The following TJP1 variants were observed in gnomAD, a reference collection of about 807,000 sequenced individuals.
The protein encoded by TJP1 is tight junction protein ZO-1.
A neutral mutation model predicts 194.2 loss-of-function variants in TJP1; 43 were observed. The observed-to-expected ratio is 0.22, with a 90% CI of 0.17 to 0.29. The LOEUF (loss-of-function observed/expected upper bound fraction) is 0.29. Ranked by LOEUF, TJP1 falls within the 10% of genes least tolerant of loss-of-function variation. The pLI, the probability that TJP1 is intolerant of heterozygous loss-of-function variation, is 1.00. For missense variants in TJP1, 1,971 were observed against 2,185.7 expected (o/e 0.90, Z 1.96); for synonymous variants, 801 against 779.0 (o/e 1.03, Z -0.47).
At chr15:29,924,299 G>A (rs1233965528) in intron 2 of TJP1, among the ~76,000 whole-genome samples, 3 of 152,064 alleles carry the variant, frequency 2.0e-5, no homozygotes, top group Non-Finnish European at 4.4e-5. Context: ...ACTCTGAGAT[G>A]GGCTCAAGTG....
chr15:29,877,580 TTTCCTTCCTTCCTTTCTCC>T (rs1418598889), intron 2 of TJP1, among the ~76,000 whole-genome samples: 1 of 152,006 alleles, frequency 6.6e-6, no homozygotes, highest in African/African-American at 2.4e-5. Flanking sequence ...TCTTTCTTTC[TTTCCTTCCTTCCTTTCTCC>T]TTCCTTCCTT....
chr15:29,957,732 T>C (rs975489697), intron 1 of TJP1, among the ~76,000 whole-genome samples: 3 of 152,206 alleles, frequency 2.0e-5, no homozygotes, highest in African/African-American at 7.2e-5. Context: ...CTTGGCAACA[T>C]CTTTGGGTAC....
chr15:29,922,002 G>A (rs944297680), intron 2 of TJP1, among the ~76,000 whole-genome samples: 1 of 151,842 alleles, frequency 6.6e-6, no homozygotes, highest in Non-Finnish European at 1.5e-5. Context: ...GCACCACCCC[G>A]CCCAGCTAAT....
intron 2 of TJP1, among the ~76,000 whole-genome samples, chr15:29,949,463 A>ACCTCCACCTCCACCT (rs1479887168): frequency 9.9e-6 from 1 of 101,044 alleles, no homozygotes; most frequent in African/African-American, 4.3e-5. Flanking sequence ...CACCACTTCC[A>ACCTCCACCTCCACCT]CCACCACCAC....
intron 2 of TJP1, among the ~76,000 whole-genome samples, chr15:29,794,749 G>C (rs1372846065): frequency 6.6e-6 from 1 of 152,168 alleles, no homozygotes; most frequent in East Asian, 1.9e-4. Flanking sequence ...GTAAGGAAAA[G>C]ATGTAATGTG....
chr15:29,726,141 T>C (rs2043223544), intron 18 of TJP1, among the ~76,000 whole-genome samples: 1 of 152,180 alleles, frequency 6.6e-6, no homozygotes, highest in Non-Finnish European at 1.5e-5. Flanking sequence ...TTTAAGATTC[T>C]TTAGGAGACA....
chr15:29,764,807 C>T lies in TJP1; in HGVS notation c.589+1459G>A, dbSNP rs1399881012. On this transcript the variant is annotated intron_variant, in intron 5 of 27. Transcript: ENST00000614355. The stretch of plus-strand genomic sequence containing the variant: ...GTGTTTCAGGGACCTACAGGAACAT[C>T]TAAGTGAATATGCCTAACAGTTGGA... Among the ~76,000 whole-genome samples the T allele has an allele frequency of 2.0e-5, 3 of 152,090 alleles. 1 individual carries two copies. Among genetic ancestry groups the T allele is most frequent in the Middle Eastern group, 3.2e-3 (1 of 316 alleles).
intron 1 of TJP1, among the ~76,000 whole-genome samples, chr15:29,803,210 G>A (rs2048900367): frequency 6.6e-6 from 1 of 152,110 alleles, no homozygotes; most frequent in Non-Finnish European, 1.5e-5. Flanking sequence ...AACTGGCAAT[G>A]TATTTTAAAC....
chr15:29,919,290 C>T (rs2054282663), intron 2 of TJP1, among the ~76,000 whole-genome samples: 1 of 152,096 alleles, frequency 6.6e-6, no homozygotes, highest in Non-Finnish European at 1.5e-5. Flanking sequence ...GGCAGCAGGC[C>T]CAGAGGGCAT....
chr15:29,752,670 GTTCACAAAAGT>G (rs1166682848), intron 8 of TJP1, among the ~76,000 whole-genome samples: 1 of 151,988 alleles, frequency 6.6e-6, no homozygotes, highest in Non-Finnish European at 1.5e-5. Flanking sequence ...ATAACAGTTC[GTTCACAAAAGT>G]TCAGGATGTC....
chr15:29,849,843 G>A (rs929459132), intron 2 of TJP1, among the ~76,000 whole-genome samples: 3 of 151,988 alleles, frequency 2.0e-5, no homozygotes, highest in Non-Finnish European at 4.4e-5. Flanking sequence ...CCAAAGTGCT[G>A]GGATTGTAGA....
At chr15:29,885,242 T>C (rs1339049233) in intron 2 of TJP1, among the ~76,000 whole-genome samples, 1 of 152,176 alleles carries the variant, frequency 6.6e-6, no homozygotes. Flanking sequence ...GGATATCCTT[T>C]GAGGGGACTG....
chr15:29,723,529 A>G (rs541915242), intron 18 of TJP1, among the ~76,000 whole-genome samples: 2 of 152,184 alleles, frequency 1.3e-5, no homozygotes, highest in South Asian at 2.1e-4. Context: ...TCTTTTCTTT[A>G]TAAGTTACCC....
chr15:29,773,015 G>A (rs1349570290), intron 3 of TJP1, among the ~76,000 whole-genome samples: 1 of 152,128 alleles, frequency 6.6e-6, no homozygotes, highest in African/African-American at 2.4e-5. Flanking sequence ...TGATCCCCCT[G>A]CCTCAGCCTC....
intron 21 of TJP1, 33 bp from the exon 22 acceptor site, chr15:29,718,151 T>C: frequency 6.7e-7 from 1 of 1,484,164 alleles, no homozygotes; most frequent in Non-Finnish European, 9.2e-7. Flanking sequence ...AAAAGACAAA[T>C]ATGCCTAAGG....
chr15:29,958,380 T>C (rs975921318), intron 1 of TJP1, among the ~76,000 whole-genome samples: 1 of 152,062 alleles, frequency 6.6e-6, no homozygotes, highest in African/African-American at 2.4e-5. Context: ...TGAGGGTTAA[T>C]GTCTTTTAAG....
chr15:29,740,772 T>G (rs1340993378), intron 10 of TJP1, among the ~76,000 whole-genome samples: 2 of 152,216 alleles, frequency 1.3e-5, no homozygotes, highest in East Asian at 3.9e-4. Flanking sequence ...AAACTTACTT[T>G]TGGGTTGCTA....
intron 5 of TJP1, among the ~76,000 whole-genome samples, chr15:29,765,633 A>G (rs948170376): frequency 6.6e-5 from 10 of 152,270 alleles, no homozygotes; most frequent in African/African-American, 2.4e-4. Flanking sequence ...CTTCCCGCCT[A>G]TAATCCCAGC....
intron 2 of TJP1, among the ~76,000 whole-genome samples, chr15:29,785,230 A>G (rs901935945): frequency 6.6e-6 from 1 of 152,204 alleles, no homozygotes; most frequent in Non-Finnish European, 1.5e-5. Flanking sequence ...CATGAGCAGC[A>G]ATAACTTCTG....
Sources: allele counts gnomAD v4.1 joint callset (sites outside exome capture counted in the v4.1 genomes callset), GRCh38; gene constraint gnomAD v4.1.1; transcripts MANE v1.5; gene names NCBI Gene and HGNC (gene_info 2026-07-23, HGNC 2026-07-21).